GULP1: variants seen among roughly 807,000 people sequenced by gnomAD.
GULP1 encodes PTB domain-containing engulfment adapter protein 1.
In GULP1, 19 loss-of-function variants were observed where a neutral mutation model predicts 40.9. That is an observed-to-expected ratio of 0.46 (90% CI 0.32 to 0.68). GULP1 has a LOEUF of 0.68. GULP1 is among the 30% of genes least tolerant of loss of function. The pLI is 0.03. For missense variants in GULP1, 312 were observed against 362.2 expected (o/e 0.86, Z 1.12); for synonymous variants, 119 against 117.6 (o/e 1.01, Z -0.08).
chr2:188,362,602 G>T (rs2046242903), intron 1 of GULP1, among the ~76,000 whole-genome samples: 1 of 152,056 alleles, frequency 6.6e-6, no homozygotes, highest in African/African-American at 2.4e-5. Flanking sequence ...TCTGTTGCTT[G>T]TTCTTCTAAA....
intron 2 of GULP1, among the ~76,000 whole-genome samples, chr2:188,391,293 T>C (rs373498274): frequency 2.2e-4 from 33 of 152,278 alleles, no homozygotes; most frequent in African/African-American, 7.5e-4. Context: ...CAGCAGTGTT[T>C]TTTAGTTCTC....
At chr2:188,564,113 G>A (rs532492131) in intron 7 of GULP1, among the ~76,000 whole-genome samples, 1 of 151,912 alleles carries the variant, frequency 6.6e-6, no homozygotes, top group Admixed American at 6.6e-5. Flanking sequence ...AAGAGACATT[G>A]TTTTTCTGAT....
chr2:188,484,297 A>G (rs73040500), intron 4 of GULP1, among the ~76,000 whole-genome samples: 3,161 of 152,266 alleles, frequency 0.021, 102 homozygotes, highest in African/African-American at 0.072. Flanking sequence ...TGGAAACATT[A>G]ATCTACGCTC....
chr2:188,451,158 A>C (rs2058807041), intron 2 of GULP1, among the ~76,000 whole-genome samples: 1 of 152,192 alleles, frequency 6.6e-6, no homozygotes, highest in African/African-American at 2.4e-5. Context: ...AATTTTTCCT[A>C]ACAATTTATG....
At chr2:188,353,468 T>G (rs1475150507) in intron 1 of GULP1, among the ~76,000 whole-genome samples, 2 of 152,138 alleles carry the variant, frequency 1.3e-5, no homozygotes, top group African/African-American at 4.8e-5. Context: ...GTGCTGCCCA[T>G]AGGGGCCTGA....
intron 2 of GULP1, among the ~76,000 whole-genome samples, chr2:188,412,216 G>A (rs2053983571): frequency 6.6e-6 from 1 of 152,044 alleles, no homozygotes. Context: ...CAGCAAAAGG[G>A]GGAGAAGCCC....
chr2:188,583,070 C>T (rs1559405277), intron 9 of GULP1, among the ~76,000 whole-genome samples: 1 of 151,334 alleles, frequency 6.6e-6, no homozygotes, highest in African/African-American at 2.4e-5. Flanking sequence ...ATTTTTGTAT[C>T]GTGAAAAAGA....
In GULP1 at chr2:188,444,193, A is replaced by G. The variant is rs372466525; in HGVS notation, c.-44-33466A>G. Among the ~76,000 whole-genome samples the G allele has an allele frequency of 6.6e-5, 10 of 152,320 alleles. No homozygotes were observed. The South Asian group carries it at 1.9e-3, about 28-fold the overall frequency. On this transcript the variant is annotated intron_variant, in intron 2 of 11. Coordinates refer to ENST00000409830, the MANE Select transcript of GULP1 (RefSeq NM_016315.4). Reference sequence around the variant, plus strand: ...ACAAAATTTTCTTTAAATAGGAGGAATAAGTTCAAGAGATTTGTTGCATAA... The same window carrying G: ...ACAAAATTTTCTTTAAATAGGAGGAGTAAGTTCAAGAGATTTGTTGCATAA...
intron 1 of GULP1, among the ~76,000 whole-genome samples, chr2:188,309,295 A>G (rs4353610): frequency 0.75 from 114,044 of 151,726 alleles, 43,303 homozygotes; most frequent in East Asian, 0.95. Flanking sequence ...GTGAAACCCC[A>G]TTTCTACAAA....
chr2:188,533,240 A>G (rs1296828508), intron 6 of GULP1, among the ~76,000 whole-genome samples: 8 of 152,196 alleles, frequency 5.3e-5, no homozygotes, highest in Admixed American at 3.9e-4. Context: ...AGGAAAAACC[A>G]AAGTGAATAG....
chr2:188,416,543 G>A (rs1405009592), intron 2 of GULP1, among the ~76,000 whole-genome samples: 2 of 152,102 alleles, frequency 1.3e-5, no homozygotes, highest in Admixed American at 6.6e-5. Flanking sequence ...TCAGTTTCAG[G>A]ACTCAATTGC....
At chr2:188,434,585 T>A (rs1161792282) in intron 2 of GULP1, among the ~76,000 whole-genome samples, 1 of 151,774 alleles carries the variant, frequency 6.6e-6, no homozygotes, top group African/African-American at 2.4e-5. Context: ...TTTTCTTCTT[T>A]TTTTATTTGA....
chr2:188,528,913 T>A (rs1379995374), intron 5 of GULP1, among the ~76,000 whole-genome samples, 184 bp from the exon 6 acceptor site: 1 of 152,180 alleles, frequency 6.6e-6, no homozygotes, highest in East Asian at 1.9e-4. Context: ...TCAATGTGAA[T>A]TATAATGGCT....
intron 1 of GULP1, among the ~76,000 whole-genome samples, chr2:188,326,822 C>T (rs2040826961): frequency 6.6e-6 from 1 of 152,100 alleles, no homozygotes; most frequent in Non-Finnish European, 1.5e-5. Context: ...TGACACTCTT[C>T]CTAGAAGCTC....
rs1335572111 is a variant in GULP1 at position 188,292,194 on chromosome 2, T to A, written c.-172+28T>A. On this transcript the variant is annotated intron_variant, in intron 1 of 11. Coordinates refer to ENST00000409830, the MANE Select transcript of GULP1 (RefSeq NM_016315.4). The surrounding 1 kb of genome is among the most constrained non-coding windows in gnomAD (Gnocchi z 4.0). ...ACGGAGATTTATCTAGGCTCTTCCC[T>A]GGCTGCGAACCCAGGCTCCCTCCAG... The A allele has an allele frequency of 6.6e-6, 1 of 152,500 alleles. No individual in the cohort carries two copies. The highest frequency in any genetic ancestry group is 2.4e-5 in the African/African-American group (1 of 41,464). The allele number at this position is 152,500 out of a possible 1,614,324, so 9.4% of individuals were successfully genotyped here.
At chr2:188,457,838 C>T (rs1036767504) in intron 2 of GULP1, among the ~76,000 whole-genome samples, 1 of 152,132 alleles carries the variant, frequency 6.6e-6, no homozygotes, top group Non-Finnish European at 1.5e-5. Context: ...ACATGCATTC[C>T]CTCATACAAC....
chr2:188,393,848 A>T (rs2050857098), intron 2 of GULP1, among the ~76,000 whole-genome samples: 1 of 152,170 alleles, frequency 6.6e-6, no homozygotes, highest in Admixed American at 6.5e-5. Context: ...TATAGATAGG[A>T]ACCAGTCCCT....
At chr2:188,544,129 A>G (rs570874472) in intron 7 of GULP1, among the ~76,000 whole-genome samples, 4 of 152,124 alleles carry the variant, frequency 2.6e-5, no homozygotes, top group African/African-American at 9.7e-5. Context: ...CTGGAATTGC[A>G]TCTGATGAAG....
chr2:188,308,338 G>A (rs2106283595), intron 1 of GULP1, among the ~76,000 whole-genome samples: 1 of 152,132 alleles, frequency 6.6e-6, no homozygotes, highest in African/African-American at 2.4e-5. Context: ...AAATGTACAT[G>A]GGAAAGTAAT....
Sources: allele counts gnomAD v4.1 joint callset (sites outside exome capture counted in the v4.1 genomes callset), GRCh38; gene constraint gnomAD v4.1.1; non-coding constraint Gnocchi (gnomAD v3.1); transcripts MANE v1.5; gene names NCBI Gene and HGNC (gene_info 2026-07-23, HGNC 2026-07-21).